Variants in TRIM71 observed in about 807,000 individuals in gnomAD.
The protein encoded by TRIM71 is tripartite motif containing 71, also known as E3 ubiquitin-protein ligase TRIM71.
TRIM71 carries 9 observed loss-of-function variants against 61.2 expected under a neutral mutation model. The observed-to-expected ratio is 0.15, with a 90% confidence interval of 0.09 to 0.26. TRIM71 has a LOEUF of 0.26. Among genes scored for constraint, TRIM71 ranks in the 10% least tolerant of loss-of-function variants. The probability of loss-of-function intolerance (pLI) is 1.00; values close to 1 mark genes in which losing one functional copy is unlikely to be tolerated. For synonymous variants in TRIM71, 645 were observed against 553.2 expected (o/e 1.17, Z -2.33); for missense variants, 998 against 1,238.7 (o/e 0.81, Z 2.92).
intron 1 of TRIM71, among the ~76,000 whole-genome samples, chr3:32,833,700 G>T (rs1449021616): frequency 6.6e-6 from 1 of 151,190 alleles, no homozygotes; most frequent in Non-Finnish European, 1.5e-5. Context: ...AGGCTAAAGT[G>T]CAGTGGGAAG....
intron 1 of TRIM71, among the ~76,000 whole-genome samples, chr3:32,835,998 A>G (rs111654402): frequency 1.3e-5 from 2 of 152,026 alleles, no homozygotes; most frequent in African/African-American, 4.8e-5. Flanking sequence ...TTATGGTGTG[A>G]AATTTATTTT....
intron 1 of TRIM71, among the ~76,000 whole-genome samples, chr3:32,848,534 T>A (rs1276000424): frequency 1.3e-5 from 2 of 152,218 alleles, no homozygotes; most frequent in Non-Finnish European, 2.9e-5. Flanking sequence ...TTGCTAATTC[T>A]CTGCTATCTC....
rs1216645187 is a variant in TRIM71, at chr3:32,818,176, G to A, written c.96G>A (p.Ser32=). The A allele has an allele frequency of 6.2e-7, 1 of 1,600,634 alleles. No homozygotes were observed. Among genetic ancestry groups the A allele is most frequent in the Non-Finnish European group, 8.5e-7 (1 of 1,174,626 alleles). The change falls in exon 1 of 4, where the codon TCG becomes TCA. Residue 32 remains serine, a synonymous_variant. Coordinates refer to ENST00000383763, the MANE Select transcript of TRIM71 (RefSeq NM_001039111.3). ...CGCTCTCCTCCAACTCGTCCGCGTC[G>A]TCGTCCTCCTCGCAGACGTCCACGT... ...PAPLSSNSSA[S]SSSSQTSTSS... is the part of the protein sequence containing the mutation.
At chr3:32,859,384 C>G (rs1349134225) in intron 1 of TRIM71, among the ~76,000 whole-genome samples, 1 of 152,136 alleles carries the variant, frequency 6.6e-6, no homozygotes, top group East Asian at 1.9e-4. Context: ...CTCAGCCTCC[C>G]AAGAAGCTGG....
intron 1 of TRIM71, among the ~76,000 whole-genome samples, chr3:32,829,151 G>A (rs1007006160): frequency 2.6e-5 from 4 of 151,234 alleles, no homozygotes; most frequent in African/African-American, 4.9e-5. Flanking sequence ...GCACCGCCAT[G>A]CCTGGATAAT....
intron 1 of TRIM71, among the ~76,000 whole-genome samples, chr3:32,851,289 A>G (rs1696536015): frequency 6.6e-6 from 1 of 152,202 alleles, no homozygotes. Context: ...ACAGTTGGTA[A>G]TAGAGTGGAA....
chr3:32,890,898 C>T lies in TRIM71; in HGVS notation c.1694C>T (p.Thr565Ile). The change falls in exon 4 of 4, where the codon ACA becomes ATA. Residue 565 changes from threonine (T) to isoleucine (I), a missense_variant. Coordinates refer to ENST00000383763, the MANE Select transcript of TRIM71 (RefSeq NM_001039111.3). This position sits in a 1 kb window ranked among gnomAD's most constrained non-coding sequence, Gnocchi z 6.2. ...QLEGEHLVSV[T>I]LCNQHIENSP... is the part of the protein sequence containing the mutation. ...GAGGGTGAGCACCTGGTATCTGTGA[C>T]ACTGTGCAACCAGCACATTGAGAAC... 1 of 1,614,228 alleles carries T rather than the reference C, an allele frequency of 6.2e-7. No individual in the cohort carries two copies. Among genetic ancestry groups the T allele is most frequent in the Non-Finnish European group, 8.5e-7 (1 of 1,180,038 alleles).
intron 1 of TRIM71, among the ~76,000 whole-genome samples, chr3:32,819,242 T>G (rs931751921): frequency 9.4e-6 from 1 of 106,008 alleles, no homozygotes; most frequent in African/African-American, 3.5e-5. Context: ...TGGGAGGAGA[T>G]AGGTGTGTGT....
intron 1 of TRIM71, among the ~76,000 whole-genome samples, chr3:32,863,739 T>TG (rs1380203864): frequency 1.3e-5 from 2 of 152,302 alleles, no homozygotes; most frequent in African/African-American, 4.8e-5. Context: ...TGGAGTGCAG[T>TG]GGTGAGATCT....
chr3:32,853,873 G>A (rs746345855), intron 1 of TRIM71, among the ~76,000 whole-genome samples: 3 of 152,158 alleles, frequency 2.0e-5, no homozygotes, highest in African/African-American at 2.4e-5. Flanking sequence ...CAGGCATGGC[G>A]TGTGCCTGTA....
intron 1 of TRIM71, among the ~76,000 whole-genome samples, chr3:32,842,428 G>T (rs1218504219): frequency 6.6e-6 from 1 of 152,234 alleles, no homozygotes; most frequent in Non-Finnish European, 1.5e-5. Flanking sequence ...AATTGAGTAT[G>T]ATGGGGTTGT....
chr3:32,824,565 C>T (rs1465392574), intron 1 of TRIM71, among the ~76,000 whole-genome samples: 1 of 152,126 alleles, frequency 6.6e-6, no homozygotes, highest in African/African-American at 2.4e-5. Flanking sequence ...CTCCTTAAAG[C>T]CTTGACTTCT....
intron 1 of TRIM71, among the ~76,000 whole-genome samples, chr3:32,839,165 T>C (rs1208606001): frequency 6.6e-6 from 1 of 152,130 alleles, no homozygotes; most frequent in African/African-American, 2.4e-5. Flanking sequence ...TTTCTTGTCA[T>C]GGACCAGCTA....
At chr3:32,833,845 G>A (rs1368969106) in intron 1 of TRIM71, among the ~76,000 whole-genome samples, 1 of 151,936 alleles carries the variant, frequency 6.6e-6, no homozygotes, top group African/African-American at 2.4e-5. Context: ...GGGGCTAATG[G>A]GAGCACCTGC....
At chr3:32,831,681 C>T (rs531939674) in intron 1 of TRIM71, among the ~76,000 whole-genome samples, 3 of 151,702 alleles carry the variant, frequency 2.0e-5, no homozygotes, top group Admixed American at 6.6e-5. Context: ...GGACTACAGG[C>T]GCGTGCCACC....
chr3:32,832,990 C>T (rs1696290443), intron 1 of TRIM71, among the ~76,000 whole-genome samples: 1 of 151,842 alleles, frequency 6.6e-6, no homozygotes, highest in African/African-American at 2.4e-5. Flanking sequence ...CTGGCCAACA[C>T]ATGGTGAAAC....
chr3:32,833,536 TC>T (rs1696298816), intron 1 of TRIM71, among the ~76,000 whole-genome samples: 2 of 152,236 alleles, frequency 1.3e-5, no homozygotes, highest in Admixed American at 1.3e-4. Flanking sequence ...CCCGGCTATC[TC>T]CCTGGTGTGA....
chr3:32,896,722 T>C lies in TRIM71; in HGVS notation c.*4911T>C, dbSNP rs751095903. 3 of 152,220 alleles carry C rather than the reference T, an allele frequency of 2.0e-5. No homozygotes were observed. The highest frequency in any genetic ancestry group is 4.4e-5 in the Non-Finnish European group (3 of 68,042). 9.4% of individuals were successfully genotyped at this position (152,220 alleles called of 1,614,324 possible). A position where few individuals can be genotyped will look rare whatever the true frequency, so the allele number is the denominator to read the frequency against. ...TAACCAATAATGGTTCTAAAAGTTT[T>C]GTGTATCCACATGGTCTTAGACCTC... On this transcript the variant is annotated 3_prime_UTR_variant, in exon 4 of 4. Coordinates refer to ENST00000383763, the MANE Select transcript of TRIM71 (RefSeq NM_001039111.3).
In TRIM71 at chr3:32,856,023, T is replaced by A. The variant is rs1472596307; in HGVS notation, c.853-17795T>A. Among the ~76,000 whole-genome samples, 10 of 152,102 alleles carry A rather than the reference T, an allele frequency of 6.6e-5. No individual in the cohort carries two copies. The South Asian group carries it at 8.3e-4, about 13-fold the overall frequency. On this transcript the variant is annotated intron_variant, in intron 1 of 3. Transcript: ENST00000383763. ...ATTTATTTATTTATTTATTTTTGCT[T>A]TTTTGTTTGTTTGAGACGGAGTCTC...
Sources: gnomAD v4.1 joint callset for allele counts (sites outside exome capture counted in the v4.1 genomes callset) on GRCh38, gnomAD v4.1.1 for gene constraint, Gnocchi (gnomAD v3.1) non-coding constraint, MANE v1.5 for transcripts, NCBI Gene and HGNC (gene_info 2026-07-23, HGNC 2026-07-21) for gene names.